Variants in CNTN5 observed in about 807,000 individuals in gnomAD.
CNTN5 encodes contactin 5, also known as contactin-5.
Under a neutral mutation model 129.1 loss-of-function variants are expected in CNTN5, and 77 were observed. The ratio of observed to expected loss-of-function variants is 0.60; its 90% confidence interval spans 0.50 to 0.72. The LOEUF (loss-of-function observed/expected upper bound fraction) is 0.72. CNTN5 is among the 30% of genes least tolerant of loss of function. CNTN5 has a pLI of 0.00. For synonymous variants in CNTN5, 509 were observed against 465.6 expected (o/e 1.09, Z -1.20); for missense variants, 1,478 against 1,328.8 (o/e 1.11, Z -1.75).
intron 1 of CNTN5, among the ~76,000 whole-genome samples, chr11:99,110,615 C>A (rs144499825): frequency 1.3e-5 from 2 of 152,030 alleles, no homozygotes; most frequent in Non-Finnish European, 2.9e-5. Flanking sequence ...CATGTTCACA[C>A]GGGAAAATAT....
intron 1 of CNTN5, among the ~76,000 whole-genome samples, chr11:99,308,148 G>T (rs1368759267): frequency 6.6e-6 from 1 of 152,128 alleles, no homozygotes; most frequent in Non-Finnish European, 1.5e-5. Flanking sequence ...TGCAGCTTTT[G>T]CTTCCTGTTT....
chr11:99,525,436 A>T (rs547924899), intron 2 of CNTN5, among the ~76,000 whole-genome samples: 1 of 152,362 alleles, frequency 6.6e-6, no homozygotes, highest in East Asian at 1.9e-4. Context: ...AGATGAATAG[A>T]TTATGAAATA....
intron 1 of CNTN5, among the ~76,000 whole-genome samples, chr11:99,229,470 G>C (rs75361827): frequency 0.017 from 2,573 of 147,524 alleles, 41 homozygotes; most frequent in African/African-American, 0.038. Flanking sequence ...GTTTGAAATA[G>C]GAACTAAAAA....
In CNTN5 at chr11:99,956,985, A is replaced by T. The variant is rs757312285; in HGVS notation, c.853A>T (p.Thr285Ser). 1 of 1,613,764 alleles carries T rather than the reference A, an allele frequency of 6.2e-7. No individual in the cohort carries two copies. The change falls in exon 8 of 25, where the codon ACG becomes TCG. Residue 285 changes from threonine (T) to serine (S), a missense_variant. Thr to Ser is a moderately conservative substitution (Grantham distance 58). Transcript: ENST00000524871. Reference protein sequence around the residue: ...VTNARVLSPPTPLTLRNDGVM... With the variant: ...VTNARVLSPPSPLTLRNDGVM... Reference sequence around the variant, plus strand: ...GAATGCTAGAGTCCTTAGTCCTCCAACGCCACTCACTCTGCGTAATGATGG... The same window carrying T: ...GAATGCTAGAGTCCTTAGTCCTCCATCGCCACTCACTCTGCGTAATGATGG...
chr11:99,845,989 G>C (rs1414539371), intron 6 of CNTN5, among the ~76,000 whole-genome samples: 1 of 151,928 alleles, frequency 6.6e-6, no homozygotes, highest in Non-Finnish European at 1.5e-5. Context: ...ATATAAGATA[G>C]CATATTCTAA....
chr11:99,755,377 C>T (rs957871561), intron 3 of CNTN5, among the ~76,000 whole-genome samples: 7 of 152,184 alleles, frequency 4.6e-5, no homozygotes, highest in Non-Finnish European at 1.0e-4. Flanking sequence ...TTCACATTCT[C>T]AACAGCATTT....
At chr11:99,867,570 T>A (rs2135795424) in intron 6 of CNTN5, among the ~76,000 whole-genome samples, 1 of 152,304 alleles carries the variant, frequency 6.6e-6, no homozygotes, top group African/African-American at 2.4e-5. Context: ...TAGCTTCTGA[T>A]CTTTTTCTTC....
At chr11:100,335,938 A>G (rs1003280193) in intron 21 of CNTN5, among the ~76,000 whole-genome samples, 1 of 152,184 alleles carries the variant, frequency 6.6e-6, no homozygotes, top group Non-Finnish European at 1.5e-5. Flanking sequence ...AATATGAAGG[A>G]TTAAAAAACA....
intron 3 of CNTN5, among the ~76,000 whole-genome samples, chr11:99,696,806 A>T (rs1056616738): frequency 1.3e-5 from 2 of 152,018 alleles, no homozygotes; most frequent in Admixed American, 1.3e-4. Flanking sequence ...GATTGCCTTT[A>T]AAGTGTTTGT....
At chr11:100,083,183 G>A (rs1487755800) in intron 13 of CNTN5, among the ~76,000 whole-genome samples, 1 of 151,944 alleles carries the variant, frequency 6.6e-6, no homozygotes, top group Non-Finnish European at 1.5e-5. Flanking sequence ...TGGGCGTGGT[G>A]GTGCATTCCT....
At chr11:100,304,439 A>G (rs1951299666) in intron 20 of CNTN5, among the ~76,000 whole-genome samples, 1 of 151,648 alleles carries the variant, frequency 6.6e-6, no homozygotes, top group Non-Finnish European at 1.5e-5. Flanking sequence ...TGAATGTGAC[A>G]TGACTGAGAA....
chr11:99,355,119 A>T (rs1171406726), intron 2 of CNTN5, among the ~76,000 whole-genome samples: 1 of 152,094 alleles, frequency 6.6e-6, no homozygotes, highest in African/African-American at 2.4e-5. Context: ...AGACTTTCCT[A>T]CTGTGTTATC....
At chr11:99,857,429 A>G (rs896666615) in intron 6 of CNTN5, among the ~76,000 whole-genome samples, 2 of 152,196 alleles carry the variant, frequency 1.3e-5, no homozygotes, top group Admixed American at 6.5e-5. Flanking sequence ...TCTTAGGAGG[A>G]ACATACAGAG....
At chr11:99,648,314 A>ATTG (rs1952037879) in intron 3 of CNTN5, among the ~76,000 whole-genome samples, 3 of 151,912 alleles carry the variant, frequency 2.0e-5, no homozygotes, top group Non-Finnish European at 2.9e-5. Context: ...AATTTGTAAA[A>ATTG]AATGTTCAGC....
intron 2 of CNTN5, among the ~76,000 whole-genome samples, chr11:99,507,583 C>T (rs1306457488): frequency 6.6e-6 from 1 of 151,946 alleles, no homozygotes; most frequent in Admixed American, 6.5e-5. Context: ...AAACGATGTA[C>T]TTTGAAAATA....
At chr11:99,335,554 C>T (rs755126638) in intron 2 of CNTN5, among the ~76,000 whole-genome samples, 13 of 151,724 alleles carry the variant, frequency 8.6e-5, no homozygotes, top group African/African-American at 1.9e-4. Context: ...GGAGAAAAGT[C>T]GAGAAAGGAC....
chr11:100,202,143 T>C (rs1214798470), intron 15 of CNTN5, among the ~76,000 whole-genome samples: 1 of 152,034 alleles, frequency 6.6e-6, no homozygotes, highest in Non-Finnish European at 1.5e-5. Flanking sequence ...TTTAGAAAGA[T>C]AAACAACTTT....
chr11:99,466,702 C>G (rs148695283), intron 2 of CNTN5, among the ~76,000 whole-genome samples: 300 of 152,244 alleles, frequency 2.0e-3, no homozygotes, highest in Non-Finnish European at 3.3e-3. Context: ...GGGCTCTGTT[C>G]CAGTCATTAG....
At chr11:99,314,681 A>G (rs1319476748) in intron 1 of CNTN5, among the ~76,000 whole-genome samples, 2 of 152,078 alleles carry the variant, frequency 1.3e-5, no homozygotes, top group Middle Eastern at 3.4e-3. Context: ...ATTAAGTAAC[A>G]GTGAGTGAGA....
Sources: allele counts gnomAD v4.1 joint callset (sites outside exome capture counted in the v4.1 genomes callset), GRCh38; gene constraint gnomAD v4.1.1; transcripts MANE v1.5; gene names NCBI Gene and HGNC (gene_info 2026-07-23, HGNC 2026-07-21).